ERGIC1: variants seen among roughly 807,000 people sequenced by gnomAD.
ERGIC1 encodes the protein endoplasmic reticulum-golgi intermediate compartment 1.
ERGIC1 carries 19 observed loss-of-function variants against 38.3 expected under a neutral mutation model. The observed-to-expected ratio is 0.50, with a 90% confidence interval of 0.35 to 0.73. The LOEUF (loss-of-function observed/expected upper bound fraction) is 0.73, where lower values mean the gene tolerates loss of function less well. Ranked by LOEUF, ERGIC1 falls within the 30% of genes least tolerant of loss-of-function variation. ERGIC1 has a pLI of 0.01. For missense variants in ERGIC1, 294 were observed against 389.2 expected (o/e 0.76, Z 2.06); for synonymous variants, 124 against 157.6 (o/e 0.79, Z 1.60).
Position 172,888,774 on chromosome 5 carries a change from C to T in ERGIC1, c.82+14C>T, listed in dbSNP as rs1762483516. On this transcript the variant is annotated intron_variant, in intron 2 of 9. Coordinates refer to ENST00000393784, the MANE Select transcript of ERGIC1 (RefSeq NM_001031711.3). ...CCGGGGCCATTAGTGAGTAGCCAAC[C>T]TCTGGCCATGCCCTCTGCCCCATCT... 1 of 1,612,780 alleles carries T rather than the reference C, an allele frequency of 6.2e-7. No homozygotes were observed. Among genetic ancestry groups the T allele is most frequent in the Non-Finnish European group, 8.5e-7 (1 of 1,178,838 alleles).
intron 1 of ERGIC1, among the ~76,000 whole-genome samples, chr5:172,853,612 C>T (rs1206820465): frequency 6.6e-6 from 1 of 152,230 alleles, no homozygotes; most frequent in East Asian, 1.9e-4. Flanking sequence ...TCTCCCCCCG[C>T]CCCGGAGGAT....
chr5:172,852,532 A>C (rs1761436846), intron 1 of ERGIC1, among the ~76,000 whole-genome samples: 1 of 152,236 alleles, frequency 6.6e-6, no homozygotes, highest in Admixed American at 6.5e-5. Flanking sequence ...AGAGCCCCTC[A>C]TAGGCCGTCA....
At chr5:172,922,826 A>C (rs1477395133) in intron 5 of ERGIC1, among the ~76,000 whole-genome samples, 1 of 152,210 alleles carries the variant, frequency 6.6e-6, no homozygotes, top group Non-Finnish European at 1.5e-5. Context: ...GTAGGGTTTA[A>C]AAAGATCTTA....
intron 1 of ERGIC1, among the ~76,000 whole-genome samples, chr5:172,856,809 C>G (rs529273560): frequency 1.3e-5 from 2 of 152,302 alleles, no homozygotes; most frequent in South Asian, 4.1e-4. Context: ...GGAGACCAAC[C>G]TGAGAATGGA....
In ERGIC1 at chr5:172,897,072, A is replaced by G. The variant is rs373362842; in HGVS notation, c.153A>G (p.Glu51=). Residue 51 remains glutamate, a splice_region_variant and synonymous_variant, in exon 3 of 10, where the codon GAA becomes GAG. Coordinates refer to ENST00000393784, the MANE Select transcript of ERGIC1 (RefSeq NM_001031711.3). ...LSELTGFITT[E]VVNELYVDDP... ...AGCTCACCGGATTTATAACGACAGA[A>G]GTGTAAGTCATACTTTCCCGATGGG... 4 of 1,613,746 alleles carry G rather than the reference A, an allele frequency of 2.5e-6. No homozygotes were observed. The highest frequency in any genetic ancestry group is 2.5e-6 in the Non-Finnish European group (3 of 1,179,810).
At chr5:172,914,604 C>T in intron 4 of ERGIC1, 110 bp from the exon 5 acceptor site, 2 of 1,584,572 alleles carry the variant, frequency 1.3e-6, no homozygotes, top group Non-Finnish European at 1.7e-6. Flanking sequence ...AGGTCCCCAG[C>T]CCGGCCTGCC....
intron 6 of ERGIC1, among the ~76,000 whole-genome samples, chr5:172,924,518 G>A (rs768904755): frequency 7.9e-5 from 12 of 152,126 alleles, no homozygotes; most frequent in Non-Finnish European, 1.0e-4. Context: ...CGAGAGACCC[G>A]TGGTAGACTG....
intron 9 of ERGIC1, among the ~76,000 whole-genome samples, chr5:172,946,899 G>A (rs550950640): frequency 1.3e-5 from 2 of 151,688 alleles, no homozygotes; most frequent in South Asian, 2.1e-4. Context: ...TTTAAGTCAC[G>A]GGGCCAGGCA....
intron 3 of ERGIC1, among the ~76,000 whole-genome samples, chr5:172,908,502 G>C (rs1763111027): frequency 6.6e-6 from 1 of 151,734 alleles, no homozygotes; most frequent in African/African-American, 2.4e-5. Flanking sequence ...CTTGGACCTG[G>C]GAGATGGAGG....
intron 1 of ERGIC1, among the ~76,000 whole-genome samples, chr5:172,857,945 C>T (rs554510185): frequency 6.6e-6 from 1 of 152,284 alleles, no homozygotes; most frequent in East Asian, 1.9e-4. Flanking sequence ...CCAGGCACTG[C>T]GAGACTCGGT....
intron 5 of ERGIC1, chr5:172,920,538 CACTG>C: frequency 1.4e-6 from 1 of 691,890 alleles, no homozygotes; most frequent in South Asian, 1.5e-5. Flanking sequence ...CCATCAGAGA[CACTG>C]ACGTAGGTTC....
chr5:172,905,381 G>A (rs1401208828), intron 3 of ERGIC1: 4 of 458,680 alleles, frequency 8.7e-6, no homozygotes, highest in African/African-American at 4.0e-5. Context: ...TAGGGAGGCC[G>A]ATCCTCCTCG....
Position 172,846,978 on chromosome 5 carries a change from G to C in ERGIC1, c.20+12545G>C, listed in dbSNP as rs1761294891. 1.3e-5 allele frequency among the ~76,000 whole-genome samples: 2 copies of C among 152,218 alleles called. No individual in the cohort carries two copies. Among genetic ancestry groups the C allele is most frequent in the African/African-American group, 4.8e-5 (2 of 41,458 alleles). On this transcript the variant is annotated intron_variant, in intron 1 of 9. Coordinates refer to ENST00000393784, the MANE Select transcript of ERGIC1 (RefSeq NM_001031711.3). The surrounding 1 kb of genome is among the most constrained non-coding windows in gnomAD (Gnocchi z 4.0). ...GACTAGAGATGCCTCCTTTGTGTTA[G>C]CCTAAGTCAGCTAATTCCTATAAAC...
At chr5:172,865,403 G>A (rs1040883271) in intron 1 of ERGIC1, among the ~76,000 whole-genome samples, 3 of 152,214 alleles carry the variant, frequency 2.0e-5, no homozygotes, top group African/African-American at 7.2e-5. Context: ...ACATAAGCCA[G>A]TGCAAAGGGT....
At chr5:172,867,481 G>A in intron 1 of ERGIC1, 1 of 426,242 alleles carries the variant, frequency 2.3e-6, no homozygotes, top group Non-Finnish European at 4.8e-6. Flanking sequence ...GCTGGCCTTG[G>A]CCACTGCCTC....
At chr5:172,948,047 C>T (rs1026661498) in intron 9 of ERGIC1, among the ~76,000 whole-genome samples, 16 of 152,202 alleles carry the variant, frequency 1.1e-4, no homozygotes, top group African/African-American at 3.6e-4. Flanking sequence ...GCTCCCCTGC[C>T]GTCATCTTCC....
chr5:172,897,185 T>G, intron 3 of ERGIC1, 111 bp downstream of exon 3: 1 of 1,015,406 alleles, frequency 9.8e-7, no homozygotes, highest in South Asian at 1.4e-5. Flanking sequence ...TCCCAACACT[T>G]TGGGAGGCCG....
At chr5:172,914,882 C>T in intron 5 of ERGIC1, 44 bp downstream of exon 5, 2 of 1,612,928 alleles carry the variant, frequency 1.2e-6, no homozygotes, top group Non-Finnish European at 1.7e-6. Flanking sequence ...CTCCCCTTTC[C>T]TGCTGTCTCC....
chr5:172,872,627 C>A (rs1220678044), intron 1 of ERGIC1, among the ~76,000 whole-genome samples: 2 of 152,000 alleles, frequency 1.3e-5, no homozygotes, highest in Non-Finnish European at 2.9e-5. Flanking sequence ...CCAGCCTGGC[C>A]AACATGATGA....
Sources: gnomAD v4.1 joint callset for allele counts (sites outside exome capture counted in the v4.1 genomes callset) on GRCh38, gnomAD v4.1.1 for gene constraint, Gnocchi (gnomAD v3.1) non-coding constraint, MANE v1.5 for transcripts, NCBI Gene and HGNC (gene_info 2026-07-23, HGNC 2026-07-21) for gene names.